Variants in AGBL1 observed in about 807,000 individuals in gnomAD.
The protein encoded by AGBL1 is AGBL carboxypeptidase 1, also known as cytosolic carboxypeptidase 4.
Under a neutral mutation model 118.9 loss-of-function variants are expected in AGBL1, and 130 were observed. That is an observed-to-expected ratio of 1.09 (90% CI 0.95 to 1.26). AGBL1 has a LOEUF of 1.26. Ranked by LOEUF, AGBL1 falls within the 50% of genes most tolerant of loss-of-function variation. The probability of loss-of-function intolerance (pLI) is 0.00; values close to 1 mark genes in which losing one functional copy is unlikely to be tolerated. For synonymous variants in AGBL1, 555 were observed against 478.9 expected, an observed-to-expected ratio of 1.16 and a Z score of -2.08; for missense variants, 1,584 against 1,298.1, an observed-to-expected ratio of 1.22 and a Z score of -3.38.
At chr15:86,378,703 C>G (rs1453954756) in intron 17 of AGBL1, among the ~76,000 whole-genome samples, 1 of 151,590 alleles carries the variant, frequency 6.6e-6, no homozygotes, top group Non-Finnish European at 1.5e-5. Context: ...TATTATTATA[C>G]CCATTTCACA....
intron 21 of AGBL1, among the ~76,000 whole-genome samples, chr15:86,596,680 G>A (rs1040848611): frequency 4.6e-5 from 7 of 151,914 alleles, no homozygotes; most frequent in African/African-American, 1.2e-4. Context: ...GTAGCCTACC[G>A]TGACTGTCTT....
intron 22 of AGBL1, among the ~76,000 whole-genome samples, chr15:86,678,739 TTATC>T (rs1394986464): frequency 1.3e-5 from 2 of 152,130 alleles, no homozygotes; most frequent in Non-Finnish European, 2.9e-5. Context: ...CACCCACTGT[TTATC>T]TATCTGTTAT....
chr15:86,847,937 G>A (rs1042237714), intron 22 of AGBL1, among the ~76,000 whole-genome samples: 12 of 152,088 alleles, frequency 7.9e-5, no homozygotes, highest in Non-Finnish European at 1.5e-5. Context: ...GATCACACTA[G>A]GTCCTCACCT....
chr15:86,271,548 GT>G (rs1303428128), intron 14 of AGBL1, 70 bp from the exon 15 acceptor site: 13 of 1,168,038 alleles, frequency 1.1e-5, no homozygotes, highest in Non-Finnish European at 5.2e-6. Context: ...CTATGTGTAT[GT>G]GGGGGTCATT....
chr15:86,260,768 A>C (rs1259987196), intron 9 of AGBL1, among the ~76,000 whole-genome samples: 1 of 152,206 alleles, frequency 6.6e-6, no homozygotes, highest in African/African-American at 2.4e-5. Context: ...AATGTCCAAA[A>C]GCTCCAACCT....
chr15:86,400,901 A>G (rs570913301), intron 18 of AGBL1, among the ~76,000 whole-genome samples: 2 of 152,164 alleles, frequency 1.3e-5, no homozygotes, highest in East Asian at 3.9e-4. Flanking sequence ...TATCTCTGCA[A>G]TTGCGAATTG....
intron 22 of AGBL1, among the ~76,000 whole-genome samples, chr15:86,755,976 G>C (rs1037722688): frequency 6.6e-6 from 1 of 152,242 alleles, no homozygotes; most frequent in East Asian, 1.9e-4. Flanking sequence ...AAGATGGCTA[G>C]AGGCTGGAAT....
chr15:86,626,653 C>G (rs1235996115), intron 21 of AGBL1, among the ~76,000 whole-genome samples: 1 of 151,908 alleles, frequency 6.6e-6, no homozygotes, highest in Non-Finnish European at 1.5e-5. Context: ...GAACTTAAAA[C>G]TTGTTTTTTT....
At chr15:86,684,735 T>C (rs1450970932) in intron 22 of AGBL1, among the ~76,000 whole-genome samples, 1 of 152,134 alleles carries the variant, frequency 6.6e-6, no homozygotes, top group Non-Finnish European at 1.5e-5. Context: ...CTTAACTTGT[T>C]TACTCTCAGA....
chr15:86,904,745 T>TATATATATATATATATA (rs1312269188), intron 22 of AGBL1, among the ~76,000 whole-genome samples: 1 of 150,706 alleles, frequency 6.6e-6, no homozygotes, highest in East Asian at 1.9e-4. Flanking sequence ...GACATGATAA[T>TATATATATATATATATA]TGTGGTATAA....
At chr15:86,769,149 C>T (rs1233431582) in intron 22 of AGBL1, among the ~76,000 whole-genome samples, 1 of 92,506 alleles carries the variant, frequency 1.1e-5, no homozygotes, top group Non-Finnish European at 2.3e-5. Flanking sequence ...AAGATTAAAG[C>T]TGTTGGTGGG....
chr15:86,872,692 G>A (rs1425857972), intron 22 of AGBL1, among the ~76,000 whole-genome samples: 2 of 152,184 alleles, frequency 1.3e-5, no homozygotes, highest in African/African-American at 2.4e-5. Context: ...GGAGGCAGAG[G>A]TTACAGTGAG....
At chr15:87,014,756 T>TGC in intron 24 of AGBL1, among the ~76,000 whole-genome samples, 2 of 152,172 alleles carry the variant, frequency 1.3e-5, no homozygotes. Context: ...AGTGGGGGAA[T>TGC]ACCTGAACAA....
At chr15:86,875,380 C>A (rs1226301331) in intron 22 of AGBL1, among the ~76,000 whole-genome samples, 1 of 152,218 alleles carries the variant, frequency 6.6e-6, no homozygotes, top group East Asian at 1.9e-4. Flanking sequence ...AGACACACAG[C>A]ATATTCCTTG....
At chr15:86,226,615 GC>G (rs1358679597) in intron 6 of AGBL1, among the ~76,000 whole-genome samples, 1 of 152,184 alleles carries the variant, frequency 6.6e-6, no homozygotes, top group Non-Finnish European at 1.5e-5. Flanking sequence ...CAATGCCTCA[GC>G]CCAGGAAAAA....
At chr15:86,733,882 C>T (rs1423148691) in intron 22 of AGBL1, among the ~76,000 whole-genome samples, 1 of 152,000 alleles carries the variant, frequency 6.6e-6, no homozygotes, top group Non-Finnish European at 1.5e-5. Flanking sequence ...TCGTATACAC[C>T]CAGAACACTC....
At chr15:86,416,437 T>C (rs1411116436) in intron 18 of AGBL1, among the ~76,000 whole-genome samples, 1 of 152,156 alleles carries the variant, frequency 6.6e-6, no homozygotes, top group Non-Finnish European at 1.5e-5. Flanking sequence ...GGCTTCTCTC[T>C]AGAAGGGGAG....
intron 18 of AGBL1, among the ~76,000 whole-genome samples, chr15:86,510,371 C>T (rs938354385): frequency 8.0e-6 from 1 of 124,428 alleles, no homozygotes; most frequent in Non-Finnish European, 1.8e-5. Context: ...GAAAACTTAC[C>T]TGAATATGAA....
chr15:86,295,503 T>C (rs1438967939), intron 17 of AGBL1, 95 bp downstream of exon 17: 3 of 1,337,664 alleles, frequency 2.2e-6, no homozygotes, highest in Non-Finnish European at 3.0e-6. Context: ...AAAAGCTCCA[T>C]AAAGGGTTGG....
Sources: allele counts gnomAD v4.1 joint callset (sites outside exome capture counted in the v4.1 genomes callset), GRCh38; gene constraint gnomAD v4.1.1; transcripts MANE v1.5; gene names NCBI Gene and HGNC (gene_info 2026-07-23, HGNC 2026-07-21).